Variants in NCOA2 observed in about 807,000 individuals in gnomAD.
NCOA2 encodes the protein class E basic helix-loop-helix protein 75.
In NCOA2, 21 loss-of-function variants were observed where a neutral mutation model predicts 145.1. The ratio of observed to expected loss-of-function variants is 0.14; its 90% CI spans 0.10 to 0.21. The LOEUF (loss-of-function observed/expected upper bound fraction) is 0.21, where lower values mean the gene tolerates loss of function less well. Ranked by LOEUF, NCOA2 falls within the 10% of genes least tolerant of loss-of-function variation. NCOA2 has a pLI of 1.00. For missense variants in NCOA2, 1,472 were observed against 1,837.6 expected, an observed-to-expected ratio of 0.80 and a Z score of 3.64; for synonymous variants, 619 against 637.5, an observed-to-expected ratio of 0.97 and a Z score of 0.44.
chr8:70,397,515 C>T (rs1181453510), intron 1 of NCOA2, among the ~76,000 whole-genome samples: 1 of 151,246 alleles, frequency 6.6e-6, no homozygotes, highest in African/African-American at 2.4e-5. Context: ...AACTGACAAC[C>T]ATAGCAGAAT....
chr8:70,278,109 A>G (rs1438308115), intron 2 of NCOA2, among the ~76,000 whole-genome samples: 1 of 152,190 alleles, frequency 6.6e-6, no homozygotes, highest in African/African-American at 2.4e-5. Context: ...TCTACCTTCT[A>G]TCTCTACAGC....
In NCOA2 at chr8:70,274,144, G is replaced by A. The variant is rs191726543; in HGVS notation, c.-20+22600C>T. On this transcript the variant is annotated intron_variant, in intron 2 of 22. Coordinates refer to ENST00000452400, the MANE Select transcript of NCOA2 (RefSeq NM_006540.4). Reference sequence around the variant, plus strand: ...TTTTATTCTTTATTTCATTGACACCGATCTGTACACAGTAAATCACAGTGT... The same window carrying A: ...TTTTATTCTTTATTTCATTGACACCAATCTGTACACAGTAAATCACAGTGT... Among the ~76,000 whole-genome samples the A allele has an allele frequency of 6.8e-4, 102 of 150,154 alleles. 2 individuals carry two copies. The highest frequency in any genetic ancestry group is 2.4e-3 in the African/African-American group (97 of 40,704).
At position 70,174,845 on chromosome 8, in the gene NCOA2, C is replaced by A; in HGVS notation, c.274G>T (p.Ala92Ser). The change falls in exon 5 of 23, where the codon GCC (alanine) becomes TCC (serine). Residue 92 changes from alanine to serine, a missense_variant. Ala to Ser is a moderately conservative substitution (Grantham distance 99, BLOSUM62 1). Coordinates refer to ENST00000452400, the MANE Select transcript of NCOA2 (RefSeq NM_006540.4). ...GACTTCTGCACTTCATCTATGTTGGCAGCTGCTGCTTTCTCTGCAATAAAC... is the reference window on the plus strand; with the variant it reads ...GACTTCTGCACTTCATCTATGTTGGAAGCTGCTGCTTTCTCTGCAATAAAC... ...QIKEQEKAAA[A>S]NIDEVQKSDV... 1 of 1,613,502 alleles carries A rather than the reference C, an allele frequency of 6.2e-7. No homozygotes were observed. The highest frequency in any genetic ancestry group is 8.5e-7 in the Non-Finnish European group (1 of 1,179,628).
chr8:70,196,246 C>T (rs748744634), intron 4 of NCOA2, among the ~76,000 whole-genome samples: 1 of 152,090 alleles, frequency 6.6e-6, no homozygotes, highest in African/African-American at 2.4e-5. Flanking sequence ...CATAGTGGTG[C>T]ACGTCTGTAA....
chr8:70,236,802 G>A (rs545902881), intron 2 of NCOA2, among the ~76,000 whole-genome samples: 44 of 152,230 alleles, frequency 2.9e-4, no homozygotes, highest in Admixed American at 1.4e-3. Context: ...GGGAGGATGC[G>A]CATTATATGC....
At chr8:70,228,398 T>C (rs1186458157) in intron 2 of NCOA2, among the ~76,000 whole-genome samples, 4 of 152,172 alleles carry the variant, frequency 2.6e-5, no homozygotes, top group African/African-American at 4.8e-5. Context: ...ACAAACTTTG[T>C]GAAGAGCACA....
At chr8:70,390,167 C>T (rs548552228) in intron 1 of NCOA2, among the ~76,000 whole-genome samples, 30 of 152,212 alleles carry the variant, frequency 2.0e-4, no homozygotes, top group African/African-American at 7.0e-4. Flanking sequence ...ATAATATCTG[C>T]ATTATTTTTA....
chr8:70,344,677 A>G (rs1156670280), intron 1 of NCOA2, among the ~76,000 whole-genome samples: 1 of 152,178 alleles, frequency 6.6e-6, no homozygotes, highest in Non-Finnish European at 1.5e-5. Flanking sequence ...TAGGGCAGGG[A>G]TAAAAGCAGG....
chr8:70,395,751 G>A (rs1014235302), intron 1 of NCOA2, among the ~76,000 whole-genome samples: 24 of 152,136 alleles, frequency 1.6e-4, no homozygotes, highest in African/African-American at 5.3e-4. Flanking sequence ...TTTAGACGGG[G>A]ACTTCAATGG....
chr8:70,117,833 G>C (rs1459108196), intron 22 of NCOA2, among the ~76,000 whole-genome samples: 1 of 152,232 alleles, frequency 6.6e-6, no homozygotes, highest in Non-Finnish European at 1.5e-5. Flanking sequence ...ACTTTTAATA[G>C]AGAATAGGCT....
rs1285376018 is a variant in NCOA2, at chr8:70,141,461, A to ATCTT, written c.2813-63_2813-62insAAGA. 2.0e-5 allele frequency: 28 copies of ATCTT among 1,392,686 alleles called. 1 individual carries two copies. In the African/African-American group the frequency reaches 3.8e-4, roughly 19 times the overall value. 86.3% of individuals were successfully genotyped at this position (1,392,686 alleles called of 1,614,324 possible). ...ACTGAAAACATATTTAGCATGTATG[A>ATCTT]ACACCAGATGATCTTACCCTACAAA... On this transcript the variant is annotated intron_variant, in intron 13 of 22. Coordinates refer to ENST00000452400, the MANE Select transcript of NCOA2 (RefSeq NM_006540.4).
At position 70,195,962 on chromosome 8, in the gene NCOA2, C is replaced by G. The variant is rs78688958; in HGVS notation, c.259+17941G>C. Among the ~76,000 whole-genome samples the G allele has an allele frequency of 4.6e-5, 7 of 152,300 alleles. No individual in the cohort carries two copies. The East Asian group carries it at 1.3e-3, about 29-fold the overall frequency. ...TATAGGGGACATCATTCATTGAACCCCATATTTTATGTTCCTTTTAAGACA... is the reference window on the plus strand; with the variant it reads ...TATAGGGGACATCATTCATTGAACCGCATATTTTATGTTCCTTTTAAGACA... On this transcript the variant is annotated intron_variant, in intron 4 of 22. Coordinates refer to ENST00000452400, the MANE Select transcript of NCOA2 (RefSeq NM_006540.4).
At chr8:70,167,515 C>T (rs1585926485) in intron 6 of NCOA2, among the ~76,000 whole-genome samples, 1 of 152,162 alleles carries the variant, frequency 6.6e-6, no homozygotes, top group East Asian at 1.9e-4. Context: ...CATACTGCCT[C>T]CTTGGGCAGA....
At chr8:70,383,650 C>A (rs1247104790) in intron 1 of NCOA2, among the ~76,000 whole-genome samples, 16 of 152,082 alleles carry the variant, frequency 1.1e-4, no homozygotes, top group Admixed American at 1.0e-3. Flanking sequence ...GGATTACAGG[C>A]ATACACCACC....
chr8:70,370,937 T>A (rs2131246188), intron 1 of NCOA2, among the ~76,000 whole-genome samples: 1 of 152,266 alleles, frequency 6.6e-6, no homozygotes, highest in African/African-American at 2.4e-5. Context: ...AACCCACATA[T>A]CCTTTGTTGT....
At chr8:70,271,613 T>C (rs1434066106) in intron 2 of NCOA2, among the ~76,000 whole-genome samples, 2 of 152,360 alleles carry the variant, frequency 1.3e-5, no homozygotes, top group East Asian at 1.9e-4. Context: ...AGAGCTTACA[T>C]GTTAGTGCTT....
intron 2 of NCOA2, among the ~76,000 whole-genome samples, chr8:70,274,548 G>T (rs1202674418): frequency 6.6e-6 from 1 of 152,042 alleles, no homozygotes; most frequent in Admixed American, 6.5e-5. Context: ...TGTCATCCTT[G>T]AAAAATTCTC....
chr8:70,421,013 G>A, the NCOA2 span, among the ~76,000 whole-genome samples: 1 of 151,824 alleles, frequency 6.6e-6, no homozygotes, highest in East Asian at 1.9e-4. Flanking sequence ...TATCTAAAGA[G>A]GTAAACTTTG....
chr8:70,117,526 T>C (rs1008625794), intron 22 of NCOA2, among the ~76,000 whole-genome samples: 2 of 152,218 alleles, frequency 1.3e-5, no homozygotes, highest in South Asian at 2.1e-4. Flanking sequence ...TATCAATATC[T>C]TTCTTGTCCC....
Sources: allele counts gnomAD v4.1 joint callset (sites outside exome capture counted in the v4.1 genomes callset), GRCh38; gene constraint gnomAD v4.1.1; transcripts MANE v1.5; gene names NCBI Gene and HGNC (gene_info 2026-07-23, HGNC 2026-07-21).